COP1: variants seen among roughly 807,000 people sequenced by gnomAD.
COP1 encodes E3 ubiquitin-protein ligase COP1.
COP1 carries 24 observed loss-of-function variants against 101.3 expected under a neutral mutation model. The observed-to-expected ratio is 0.24, with a 90% CI of 0.17 to 0.33. The LOEUF (loss-of-function observed/expected upper bound fraction) is 0.33, where lower values mean the gene tolerates loss of function less well. Ranked by LOEUF, COP1 falls within the 10% of genes least tolerant of loss-of-function variation. The pLI, the probability that COP1 is intolerant of heterozygous loss-of-function variation, is 1.00. For missense variants in COP1, 663 were observed against 906.2 expected, an observed-to-expected ratio of 0.73 and a Z score of 3.45; for synonymous variants, 347 against 341.9, an observed-to-expected ratio of 1.01 and a Z score of -0.17.
At chr1:175,993,002 G>T (rs1013819110) in intron 15 of COP1, among the ~76,000 whole-genome samples, 1 of 152,138 alleles carries the variant, frequency 6.6e-6, no homozygotes, top group Non-Finnish European at 1.5e-5. Flanking sequence ...CCCAGTAGGG[G>T]CAAACTGACA....
At chr1:175,988,551 G>C in intron 16 of COP1, 139 bp from the exon 17 acceptor site, 1 of 762,232 alleles carries the variant, frequency 1.3e-6, no homozygotes, top group Non-Finnish European at 2.0e-6. Flanking sequence ...TTCATCTGTC[G>C]GCCAGGCGTG....
At chr1:175,959,874 T>C (rs1412412184) in intron 18 of COP1, among the ~76,000 whole-genome samples, 1 of 152,166 alleles carries the variant, frequency 6.6e-6, no homozygotes, top group Non-Finnish European at 1.5e-5. Flanking sequence ...CAAATACATC[T>C]TCAGGGCTTT....
chr1:176,028,005 G>A (rs889948716), intron 14 of COP1, among the ~76,000 whole-genome samples: 1 of 151,986 alleles, frequency 6.6e-6, no homozygotes, highest in Non-Finnish European at 1.5e-5. Flanking sequence ...TCTTACCTGG[G>A]GGCAGGCAAG....
intron 15 of COP1, among the ~76,000 whole-genome samples, chr1:176,007,020 C>G (rs1338505612): frequency 2.6e-5 from 4 of 152,146 alleles, no homozygotes; most frequent in South Asian, 2.1e-4. Flanking sequence ...TCACATAGTC[C>G]CGTATTTCTT....
At chr1:176,160,643 A>G (rs1386572085) in intron 5 of COP1, among the ~76,000 whole-genome samples, 1 of 152,242 alleles carries the variant, frequency 6.6e-6, no homozygotes, top group Non-Finnish European at 1.5e-5. Flanking sequence ...AAAAGAAGAC[A>G]TTTATGTGGC....
At chr1:175,965,892 G>T (rs1458444520) in intron 18 of COP1, among the ~76,000 whole-genome samples, 1 of 152,060 alleles carries the variant, frequency 6.6e-6, no homozygotes, top group Non-Finnish European at 1.5e-5. Context: ...ACTTATCTGG[G>T]TTTGATTCAT....
At chr1:176,191,849 G>T (rs894005144) in intron 1 of COP1, among the ~76,000 whole-genome samples, 9 of 152,126 alleles carry the variant, frequency 5.9e-5, no homozygotes, top group Non-Finnish European at 7.4e-5. Context: ...GTTTAACATT[G>T]CCTTAAGTCA....
chr1:176,025,964 A>T (rs987839002), intron 15 of COP1, among the ~76,000 whole-genome samples: 2 of 152,174 alleles, frequency 1.3e-5, no homozygotes, highest in African/African-American at 4.8e-5. Flanking sequence ...TACTATCACA[A>T]TAATGCCAAT....
intron 18 of COP1, among the ~76,000 whole-genome samples, chr1:175,977,241 A>T (rs146771902): frequency 6.6e-6 from 1 of 152,330 alleles, no homozygotes; most frequent in Non-Finnish European, 1.5e-5. Flanking sequence ...TAAAGACTTT[A>T]TCATTTAAAC....
At chr1:176,099,919 T>TTGGCTTTA (rs1185078309) in intron 9 of COP1, among the ~76,000 whole-genome samples, 2 of 152,208 alleles carry the variant, frequency 1.3e-5, no homozygotes, top group African/African-American at 4.8e-5. Context: ...ATGGCTGGGC[T>TTGGCTTTA]TGGCTTTAAA....
intron 6 of COP1, among the ~76,000 whole-genome samples, chr1:176,138,643 A>C (rs1690171744): frequency 1.3e-5 from 2 of 152,152 alleles, no homozygotes; most frequent in Non-Finnish European, 2.9e-5. Context: ...ATAGGAACTC[A>C]CTATTTCTAC....
intron 14 of COP1, among the ~76,000 whole-genome samples, chr1:176,035,325 T>G (rs74554321): frequency 2.9e-3 from 436 of 151,562 alleles, no homozygotes; most frequent in South Asian, 5.2e-3. Context: ...AATCATGAGC[T>G]AGAAGACAGA....
At chr1:176,173,700 A>G (rs1558257455) in intron 3 of COP1, among the ~76,000 whole-genome samples, 1 of 151,526 alleles carries the variant, frequency 6.6e-6, no homozygotes, top group Non-Finnish European at 1.5e-5. Flanking sequence ...ATTTGAGAAT[A>G]TCTAAGGCCA....
chr1:176,125,766 T>C (rs1687889623), intron 8 of COP1, among the ~76,000 whole-genome samples: 1 of 152,180 alleles, frequency 6.6e-6, no homozygotes, highest in South Asian at 2.1e-4. Context: ...GTGAAGAATG[T>C]CATTGGTGTT....
At chr1:176,078,651 TAATTA>T (rs1353358297) in intron 11 of COP1, among the ~76,000 whole-genome samples, 5 of 149,000 alleles carry the variant, frequency 3.4e-5, no homozygotes, top group African/African-American at 9.8e-5. Flanking sequence ...AAGTGGGACC[TAATTA>T]AATTAAAGAG....
At chr1:175,961,376 A>C (rs1037672963) in intron 18 of COP1, among the ~76,000 whole-genome samples, 2 of 152,206 alleles carry the variant, frequency 1.3e-5, no homozygotes, top group Non-Finnish European at 2.9e-5. Flanking sequence ...TTTGGCATGA[A>C]GTTTATTAAT....
At chr1:175,951,882 G>A (rs200952729) in intron 18 of COP1, among the ~76,000 whole-genome samples, 2 of 151,936 alleles carry the variant, frequency 1.3e-5, no homozygotes, top group African/African-American at 2.4e-5. Flanking sequence ...ATATGAAAAC[G>A]TTAAGACTAA....
At chr1:176,151,054 T>C (rs1692351307) in intron 5 of COP1, among the ~76,000 whole-genome samples, 1 of 152,032 alleles carries the variant, frequency 6.6e-6, no homozygotes, top group South Asian at 2.1e-4. Context: ...AATGTTCTAT[T>C]AGAACAGGTG....
At chr1:176,150,575 A>G (rs1256952310) in intron 5 of COP1, among the ~76,000 whole-genome samples, 1 of 152,180 alleles carries the variant, frequency 6.6e-6, no homozygotes, top group East Asian at 1.9e-4. Flanking sequence ...CTAACTATCT[A>G]CGATTATTTG....
Sources: gnomAD v4.1 joint callset for allele counts (sites outside exome capture counted in the v4.1 genomes callset) on GRCh38, gnomAD v4.1.1 for gene constraint, MANE v1.5 for transcripts, NCBI Gene and HGNC (gene_info 2026-07-23, HGNC 2026-07-21) for gene names.